KLHL35: variants seen among roughly 807,000 people sequenced by gnomAD.
KLHL35 encodes kelch-like protein 35.
A neutral mutation model predicts 44.0 loss-of-function variants in KLHL35; 50 were observed. That is an observed-to-expected ratio of 1.14 (90% CI 0.91 to 1.44). The LOEUF is 1.44. Among genes scored for constraint, KLHL35 ranks in the 40% most tolerant of loss-of-function variants. The pLI, the probability that KLHL35 is intolerant of heterozygous loss-of-function variation, is 0.00. For missense variants in KLHL35, 1,049 were observed against 887.8 expected, an observed-to-expected ratio of 1.18 and a Z score of -2.31; for synonymous variants, 470 against 410.4, an observed-to-expected ratio of 1.15 and a Z score of -1.76.
Position 75,430,219 on chromosome 11 carries a change from G to C in KLHL35, c.411C>G (p.Gly137=). 8.2e-7 allele frequency: 1 copy of C among 1,221,884 alleles called. No individual in the cohort carries two copies. Among genetic ancestry groups the C allele is most frequent in the Non-Finnish European group, 1.0e-6 (1 of 977,980 alleles). The allele number at this position is 1,221,884 out of a possible 1,614,324, so 75.7% of individuals were successfully genotyped here. ...GAAAGCGCACGCAGGCCTCGCGCAG[G>C]CCCGCCACGCCCAGCCGCTCCGCCA... ...LALAERLGVA[G]LREACVRFLE... is the part of the protein sequence containing the mutation. The change falls in exon 2 of 7, where the codon GGC becomes GGG. Residue 137 remains glycine, a synonymous_variant. Coordinates refer to ENST00000539798, the MANE Select transcript of KLHL35 (RefSeq NM_001039548.3).
In KLHL35 at chr11:75,430,440, C is replaced by G; in HGVS notation, c.190G>C (p.Ala64Pro). The G allele has an allele frequency of 7.2e-7, 1 of 1,387,324 alleles. No homozygotes were observed. The highest frequency in any genetic ancestry group is 9.3e-7 in the Non-Finnish European group (1 of 1,073,280). 85.9% of individuals were successfully genotyped at this position (1,387,324 alleles called of 1,614,324 possible). Residue 64 changes from alanine (A) to proline (P), a missense_variant, in exon 2 of 7, where the codon GCC (alanine) becomes CCC (proline). Coordinates refer to ENST00000539798, the MANE Select transcript of KLHL35 (RefSeq NM_001039548.3). Reference protein sequence around the residue: ...CHRAALSAGSAYFRSLFAAGR... With the variant: ...CHRAALSAGSPYFRSLFAAGR... ...GCCGCGAACAAGCTGCGGAAGTAGG[C>G]GCTGCCCGCGCTGAGCGCCGCGCGG...
Position 75,422,607 on chromosome 11 carries a change from GAC to G in KLHL35, c.1723_1724del (p.Val575HisfsTer16). ...LQRCTSSHGC[V>X]TIIQSLGR Reference sequence around the variant, plus strand: ...ACCTGCCCAAGCTCTGGATGATGGTGACACAGCCGTGGGAGCTGGTGCAGCGC... The same window carrying G: ...ACCTGCCCAAGCTCTGGATGATGGTGACAGCCGTGGGAGCTGGTGCAGCGC... On this transcript the variant is annotated frameshift_variant, in exon 7 of 7. Transcript: ENST00000539798. LOFTEE classifies it high-confidence loss of function. The G allele has an allele frequency of 6.2e-7, 1 of 1,613,592 alleles. No individual in the cohort carries two copies. The highest frequency in any genetic ancestry group is 8.5e-7 in the Non-Finnish European group (1 of 1,179,622).
intron 4 of KLHL35, 45 bp from the exon 5 acceptor site, chr11:75,425,626 AG>A: frequency 7.1e-7 from 1 of 1,410,554 alleles, no homozygotes. Flanking sequence ...CCAGGGCCTT[AG>A]GGCCCTCGGC....
rs777064073 is a variant in KLHL35, at chr11:75,423,817, G to A, written c.1438C>T (p.Arg480Trp). Residue 480 changes from arginine (R) to tryptophan (W), a missense_variant, in exon 6 of 7, where the codon CGG becomes TGG. Physicochemically the swap from Arg to Trp is moderately radical, Grantham distance 101. Transcript: ENST00000539798. ...SLRSPAPFSQ[R>W]CLEAVSLEDT... ...TCAAGGGAGACAGCCTCGAGACACC[G>A]CTGTGAGAAGGGTGCTGGTGACCGC... The A allele has an allele frequency of 1.7e-5, 28 of 1,613,744 alleles. No individual in the cohort carries two copies. The highest frequency in any genetic ancestry group is 1.6e-4 in the Middle Eastern group (1 of 6,084).
chr11:75,426,639 C>T lies in KLHL35; in HGVS notation c.1067-1G>A, dbSNP rs751085555. ...ACATCATGACTGTTGATGTGGCCTC[C>T]TAGGGAGAGAGAAGCAGCTGTTGCC... On this transcript the variant is annotated splice_acceptor_variant, in intron 3 of 6. Coordinates refer to ENST00000539798, the MANE Select transcript of KLHL35 (RefSeq NM_001039548.3). LOFTEE classifies it high-confidence loss of function. 53 of 1,579,890 alleles carry T rather than the reference C, an allele frequency of 3.4e-5. No homozygotes were observed. The highest frequency in any genetic ancestry group is 4.5e-5 in the Non-Finnish European group (52 of 1,163,190).
chr11:75,423,995 A>AGT lies in KLHL35; in HGVS notation c.1375-117_1375-116dup, dbSNP rs1214297290. ...GCACTCATTCAAAACGACATTTGCC[A>AGT]GTGTCCACCAGGCCTGAGCCAGCAT... On this transcript the variant is annotated intron_variant, in intron 5 of 6. Coordinates refer to ENST00000539798, the MANE Select transcript of KLHL35 (RefSeq NM_001039548.3). 1.5e-5 allele frequency: 12 copies of AGT among 780,262 alleles called. No individual in the cohort carries two copies. The African/African-American group carries it at 1.9e-4, about 13-fold the overall frequency. 48.3% of individuals were successfully genotyped at this position (780,262 alleles called of 1,614,324 possible).
At position 75,422,680 on chromosome 11, in the gene KLHL35, G is replaced by T. The variant is rs1479759027; in HGVS notation, c.1652C>A (p.Thr551Asn). Reference sequence around the variant, plus strand: ...CACCTGCCCACTGCTGGGGTCAAAGGTGAAGACCTTATCGGTGCTTTCTCC... The same window carrying T: ...CACCTGCCCACTGCTGGGGTCAAAGTTGAAGACCTTATCGGTGCTTTCTCC... ...DRGESTDKVF[T>N]FDPSSGQVEV... Residue 551 changes from threonine (T) to asparagine (N), a missense_variant, in exon 7 of 7, where the codon ACC becomes AAC. Physicochemically the swap from Thr to Asn is moderately conservative, Grantham distance 65. Transcript: ENST00000539798. The T allele has an allele frequency of 1.9e-6, 3 of 1,613,920 alleles. No homozygotes were observed. The highest frequency in any genetic ancestry group is 2.5e-6 in the Non-Finnish European group (3 of 1,179,906).
chr11:75,428,706 G>T, intron 2 of KLHL35, 80 bp from the exon 3 acceptor site: 1 of 1,258,074 alleles, frequency 7.9e-7, no homozygotes, highest in Non-Finnish European at 1.1e-6. Context: ...ACACTGCACG[G>T]TCCCGCTGCC....
At chr11:75,423,428 C>T (rs1948466581) in intron 6 of KLHL35, 3 of 444,112 alleles carry the variant, frequency 6.8e-6, no homozygotes, top group Non-Finnish European at 1.2e-5. Flanking sequence ...TGGACCAAAT[C>T]CCCACTCAAA....
At position 75,425,410 on chromosome 11, in the gene KLHL35, C is replaced by T. The variant is rs770116809; in HGVS notation, c.1357G>A (p.Gly453Ser). Residue 453 changes from glycine (G) to serine (S), a missense_variant, in exon 5 of 7, where the codon GGC (glycine) becomes AGC (serine). Transcript: ENST00000539798. The part of the protein sequence containing the change: ...LFVIGGARQG[G>S]VNTDKVQCFD... ...ACGCCCACCTTGTCCGTGTTGACGC[C>T]GCCCTGCCTGGCGCCCCCAATCACG... is the stretch of plus-strand genomic sequence containing the variant. 14 of 1,558,002 alleles carry T rather than the reference C, an allele frequency of 9.0e-6. No individual in the cohort carries two copies. In the South Asian group the frequency reaches 1.2e-4, roughly 13 times the overall value.
chr11:75,430,567 C>T lies in KLHL35; in HGVS notation c.63G>A (p.Pro21=). Reference sequence around the variant, plus strand: ...CCTGCAGCACGCGCTGCGCGTGGCACGGACCCGCGCACGGCGCTTCGCAGC... The same window carrying T: ...CCTGCAGCACGCGCTGCGCGTGGCATGGACCCGCGCACGGCGCTTCGCAGC... ...EPGCEAPCAG[P]CHAQRVLQAL... Residue 21 remains proline, a synonymous_variant, in exon 2 of 7, where the codon CCG becomes CCA. Transcript: ENST00000539798. 6.9e-7 allele frequency: 1 copy of T among 1,452,182 alleles called. No individual in the cohort carries two copies. Among genetic ancestry groups the T allele is most frequent in the Non-Finnish European group, 9.0e-7 (1 of 1,107,588 alleles). The allele number at this position is 1,452,182 out of a possible 1,614,324, so 90.0% of individuals were successfully genotyped here.
intron 2 of KLHL35, among the ~76,000 whole-genome samples, chr11:75,429,303 T>C (rs1335300913): frequency 1.3e-5 from 2 of 152,208 alleles, no homozygotes; most frequent in African/African-American, 2.4e-5. Flanking sequence ...AGAGAGAGTG[T>C]CGTCTCTGGG....
rs1463475030 is a variant in KLHL35 at position 75,425,398 on chromosome 11, C to A, written c.1369G>T (p.Asp457Tyr). 3 of 1,551,288 alleles carry A rather than the reference C, an allele frequency of 1.9e-6. No homozygotes were observed. The highest frequency in any genetic ancestry group is 2.6e-6 in the Non-Finnish European group (3 of 1,155,770). ...GGARQGGVNT[D>Y]KVQCFDPKED... ...CGCCTGAGGCCCACGCCCACCTTGT[C>A]CGTGTTGACGCCGCCCTGCCTGGCG... is the stretch of plus-strand genomic sequence containing the variant. The change falls in exon 5 of 7, where the codon GAC becomes TAC. Residue 457 changes from aspartate to tyrosine, a missense_variant. Coordinates refer to ENST00000539798, the MANE Select transcript of KLHL35 (RefSeq NM_001039548.3).
rs1565172144 is a variant in KLHL35 at position 75,429,811 on chromosome 11, G to C, written c.819C>G (p.Leu273=). Reference sequence around the variant, plus strand: ...CCAGGATGAAGCAGGCGCGAGCCTCGAGCAGCAGCGGGCGGCACTCGCCGC... The same window carrying C: ...CCAGGATGAAGCAGGCGCGAGCCTCCAGCAGCAGCGGGCGGCACTCGCCGC... The part of the protein sequence containing the change: ...QACGECRPLL[L]EARACFILGR... Residue 273 remains leucine, a synonymous_variant, in exon 2 of 7, where the codon CTC becomes CTG. Coordinates refer to ENST00000539798, the MANE Select transcript of KLHL35 (RefSeq NM_001039548.3). The C allele has an allele frequency of 6.6e-6, 10 of 1,511,584 alleles. No individual in the cohort carries two copies. The highest frequency in any genetic ancestry group is 2.9e-5 in the African/African-American group (2 of 69,574). The allele number at this position is 1,511,584 out of a possible 1,614,324, so 93.6% of individuals were successfully genotyped here.
In KLHL35 at chr11:75,430,066, G is replaced by C. The variant is rs1006377186; in HGVS notation, c.564C>G (p.His188Gln). ...LRQAFAEVAR[H>Q]ADFLELAPDE... is the part of the protein sequence containing the mutation. ...CAGGCGCCAGCTCCAGGAAGTCGGC[G>C]TGGCGCGCCACCTCGGCGAAGGCCT... Residue 188 changes from histidine to glutamine, a missense_variant, in exon 2 of 7, where the codon CAC becomes CAG. His to Gln is a conservative substitution (Grantham distance 24). Coordinates refer to ENST00000539798, the MANE Select transcript of KLHL35 (RefSeq NM_001039548.3). 5.7e-5 allele frequency: 79 copies of C among 1,394,572 alleles called. No homozygotes were observed. The highest frequency in any genetic ancestry group is 7.1e-5 in the Non-Finnish European group (76 of 1,075,746). The allele number at this position is 1,394,572 out of a possible 1,614,324, so 86.4% of individuals were successfully genotyped here.
chr11:75,426,895 TGTGGTG>T (rs1167267610), intron 3 of KLHL35: 1 of 358,560 alleles, frequency 2.8e-6, no homozygotes, highest in Non-Finnish European at 5.3e-6. Flanking sequence ...CCGGGCACCT[TGTGGTG>T]GTGGTGGTGG....
intron 3 of KLHL35, chr11:75,426,895 T>TGTGGTGGTG: frequency 2.8e-6 from 1 of 358,562 alleles, no homozygotes; most frequent in Non-Finnish European, 5.3e-6. Flanking sequence ...CCGGGCACCT[T>TGTGGTGGTG]GTGGTGGTGG....
intron 1 of KLHL35, among the ~76,000 whole-genome samples, chr11:75,431,985 A>C (rs181885201): frequency 2.2e-4 from 33 of 152,334 alleles, no homozygotes; most frequent in African/African-American, 7.5e-4. Flanking sequence ...AAGCACACAC[A>C]GGACACCCGC....
intron 3 of KLHL35, among the ~76,000 whole-genome samples, chr11:75,427,783 C>T (rs1049399662): frequency 6.6e-5 from 10 of 152,170 alleles, no homozygotes; most frequent in African/African-American, 2.4e-4. Flanking sequence ...CCATACTGTT[C>T]CCTCCAACTT....
Sources: gnomAD v4.1 joint callset for allele counts (sites outside exome capture counted in the v4.1 genomes callset) on GRCh38, gnomAD v4.1.1 for gene constraint, MANE v1.5 for transcripts, NCBI Gene and HGNC (gene_info 2026-07-23, HGNC 2026-07-21) for gene names.